HAUS1: variants seen among roughly 807,000 people sequenced by gnomAD.
The protein encoded by HAUS1 is HAUS augmin like complex subunit 1.
In HAUS1, 25 loss-of-function variants were observed where a neutral mutation model predicts 38.6. That is an observed-to-expected ratio of 0.65 (90% CI 0.47 to 0.91). The LOEUF is 0.91. Among genes scored for constraint, HAUS1 ranks in the 40% least tolerant of loss-of-function variants. HAUS1 has a pLI of 0.00. For synonymous variants in HAUS1, 109 were observed against 112.9 expected (o/e 0.97, Z 0.22); for missense variants, 325 against 328.4 (o/e 0.99, Z 0.08).
chr18:46,116,137 A>T (rs140932872), intron 2 of HAUS1, among the ~76,000 whole-genome samples: 1 of 152,176 alleles, frequency 6.6e-6, no homozygotes, highest in East Asian at 1.9e-4. Flanking sequence ...GGGAGGGGGA[A>T]AAAGGAAAGA....
Position 46,120,239 on chromosome 18 carries a change from C to CT in HAUS1, c.476+192dup, listed in dbSNP as rs760308150. Among the ~76,000 whole-genome samples the CT allele has an allele frequency of 9.2e-3, 1,319 of 143,954 alleles. 17 individuals carry two copies. The highest frequency in any genetic ancestry group is 0.038 in the Admixed American group (548 of 14,290). 94.4% of individuals were successfully genotyped at this position (143,954 alleles called of 152,430 possible). On this transcript the variant is annotated intron_variant, in intron 4 of 8. Coordinates refer to ENST00000282058, the MANE Select transcript of HAUS1 (RefSeq NM_138443.4). ...GATGGTTGGATATAGACTTTTCCAG[C>CT]TTTTTTTTTTTTTGAAACGGAGTCT...
Position 46,123,084 on chromosome 18 carries a change from G to A in HAUS1, c.601-215G>A, listed in dbSNP as rs367567427. The stretch of plus-strand genomic sequence containing the variant: ...AAATTAGCCGGGCGTGGTGGTGGGC[G>A]CCTGTAGTCCCAGCTACTCAGGAGG... On this transcript the variant is annotated intron_variant, in intron 5 of 8. Coordinates refer to ENST00000282058, the MANE Select transcript of HAUS1 (RefSeq NM_138443.4). The A allele has an allele frequency of 3.9e-4, 176 of 453,828 alleles. 1 individual carries two copies. The highest frequency in any genetic ancestry group is 1.6e-3 in the Admixed American group (43 of 26,384). The allele number at this position is 453,828 out of a possible 1,614,324, so 28.1% of individuals were successfully genotyped here. A position where few individuals can be genotyped will look rare whatever the true frequency, so the allele number is the denominator to read the frequency against.
intron 2 of HAUS1, among the ~76,000 whole-genome samples, chr18:46,113,615 A>G (rs1476924843): frequency 6.6e-6 from 1 of 151,786 alleles, no homozygotes; most frequent in Non-Finnish European, 1.5e-5. Context: ...CTTATTATGG[A>G]TATTTGAAGT....
intron 2 of HAUS1, among the ~76,000 whole-genome samples, chr18:46,113,079 T>TTATATATATA (rs1568263765): frequency 1.0e-4 from 9 of 89,328 alleles, no homozygotes; most frequent in East Asian, 7.9e-4. Flanking sequence ...ATATTCCATA[T>TTATATATATA]ATATATATAT....
At chr18:46,123,492 T>A in intron 6 of HAUS1, 128 bp downstream of exon 6, 1 of 661,750 alleles carries the variant, frequency 1.5e-6, no homozygotes, top group South Asian at 1.9e-5. Context: ...CCTTTGTACT[T>A]TATATTCACT....
chr18:46,104,685 C>G (rs902872043), intron 1 of HAUS1, among the ~76,000 whole-genome samples: 11 of 152,136 alleles, frequency 7.2e-5, no homozygotes, highest in African/African-American at 2.7e-4. Context: ...TTGAGCAGCC[C>G]GTGTCCACAG....
chr18:46,120,181 A>AT (rs1263121231), intron 4 of HAUS1, 121 bp downstream of exon 4: 2 of 657,180 alleles, frequency 3.0e-6, no homozygotes, highest in African/African-American at 3.8e-5. Context: ...TCCATAAAAC[A>AT]TTTTTTTAAG....
intron 8 of HAUS1, among the ~76,000 whole-genome samples, chr18:46,127,751 A>C (rs1011649031): frequency 1.5e-4 from 23 of 151,560 alleles, no homozygotes; most frequent in African/African-American, 5.3e-4. Flanking sequence ...TGTGAGTGAC[A>C]TTGTGGAAGC....
intron 3 of HAUS1, 167 bp downstream of exon 3, chr18:46,118,483 G>T: frequency 1.7e-6 from 1 of 602,860 alleles, no homozygotes. Flanking sequence ...GGATAAATAT[G>T]GTATTGGTTA....
At chr18:46,112,462 A>G (rs1331001647) in intron 2 of HAUS1, among the ~76,000 whole-genome samples, 1 of 25,122 alleles carries the variant, frequency 4.0e-5, no homozygotes, top group Non-Finnish European at 7.0e-5. Context: ...ATTCCATATT[A>G]TATATATAAT....
At chr18:46,117,895 G>A (rs1386983873) in intron 2 of HAUS1, among the ~76,000 whole-genome samples, 3 of 152,086 alleles carry the variant, frequency 2.0e-5, no homozygotes, top group African/African-American at 7.2e-5. Context: ...GCAGTGAGCT[G>A]AGATCGTGCC....
chr18:46,115,624 C>A (rs1218109094), intron 2 of HAUS1, among the ~76,000 whole-genome samples: 1 of 150,782 alleles, frequency 6.6e-6, no homozygotes, highest in Non-Finnish European at 1.5e-5. Flanking sequence ...TGAGACCCTG[C>A]CTCAAAAAAA....
At chr18:46,117,821 C>T (rs1455628870) in intron 2 of HAUS1, among the ~76,000 whole-genome samples, 1 of 152,060 alleles carries the variant, frequency 6.6e-6, no homozygotes, top group Non-Finnish European at 1.5e-5. Context: ...TGGTGGGCGC[C>T]TGTAATCCCA....
In HAUS1 at chr18:46,118,052, T is replaced by A; in HGVS notation, c.206-129T>A. On this transcript the variant is annotated intron_variant, in intron 2 of 8. Coordinates refer to ENST00000282058, the MANE Select transcript of HAUS1 (RefSeq NM_138443.4). ...TAGGTTGTACTGATGGGGATACAAC[T>A]AAAAGCCACTGAATTACATACATAC... 6.3e-6 allele frequency: 5 copies of A among 797,632 alleles called. No individual in the cohort carries two copies. In the South Asian group the frequency reaches 8.7e-5, roughly 14 times the overall value. 49.4% of individuals were successfully genotyped at this position (797,632 alleles called of 1,614,324 possible). A position where few individuals can be genotyped will look rare whatever the true frequency, so the allele number is the denominator to read the frequency against.
intron 2 of HAUS1, among the ~76,000 whole-genome samples, chr18:46,114,716 G>A (rs1345186062): frequency 1.3e-5 from 2 of 152,176 alleles, no homozygotes; most frequent in Non-Finnish European, 2.9e-5. Flanking sequence ...CTTCCAGCTG[G>A]GAGCTGGGAG....
chr18:46,110,322 AT>A (rs1389548254), intron 2 of HAUS1, among the ~76,000 whole-genome samples: 1 of 36,428 alleles, frequency 2.7e-5, no homozygotes, highest in African/African-American at 1.0e-4. Flanking sequence ...TGCCCAGCTT[AT>A]TTTTTTAAGG....
intron 2 of HAUS1, among the ~76,000 whole-genome samples, chr18:46,110,774 T>C (rs1911609457): frequency 6.6e-6 from 1 of 152,154 alleles, no homozygotes; most frequent in African/African-American, 2.4e-5. Context: ...GAATGTGTTA[T>C]TTCACTGTCT....
At chr18:46,113,559 C>G (rs1911728705) in intron 2 of HAUS1, among the ~76,000 whole-genome samples, 2 of 152,164 alleles carry the variant, frequency 1.3e-5, no homozygotes, top group South Asian at 4.1e-4. Flanking sequence ...GTCATCTTAC[C>G]TCATGTTCCT....
intron 2 of HAUS1, among the ~76,000 whole-genome samples, chr18:46,106,188 A>T (rs1187207538): frequency 6.6e-6 from 1 of 152,162 alleles, no homozygotes; most frequent in Non-Finnish European, 1.5e-5. Flanking sequence ...AGTGCATTCA[A>T]GGCCGGGCAC....
Sources: gnomAD v4.1 joint callset for allele counts (sites outside exome capture counted in the v4.1 genomes callset) on GRCh38, gnomAD v4.1.1 for gene constraint, MANE v1.5 for transcripts, NCBI Gene and HGNC (gene_info 2026-07-23, HGNC 2026-07-21) for gene names.